Variants in METTL15 observed in about 807,000 individuals in gnomAD.
The protein encoded by METTL15 is 12S rRNA N(4)-cytidine methyltransferase METTL15.
A neutral mutation model predicts 38.3 loss-of-function variants in METTL15; 34 were observed. That is an observed-to-expected ratio of 0.89 (90% CI 0.68 to 1.18). The LOEUF is 1.18. Ranked by LOEUF, METTL15 falls within the 50% of genes most tolerant of loss-of-function variation. The pLI, the probability that METTL15 is intolerant of heterozygous loss-of-function variation, is 0.00. For missense variants in METTL15, 438 were observed against 498.4 expected (o/e 0.88, Z 1.15); for synonymous variants, 162 against 170.9 (o/e 0.95, Z 0.41).
intron 5 of METTL15, among the ~76,000 whole-genome samples, chr11:28,406,711 C>T (rs1395541232): frequency 6.6e-6 from 1 of 152,138 alleles, no homozygotes; most frequent in Admixed American, 6.6e-5. Flanking sequence ...GCCAGAATTT[C>T]TAATACTATG....
chr11:28,387,161 C>G (rs1014430850), intron 5 of METTL15, among the ~76,000 whole-genome samples: 1 of 151,512 alleles, frequency 6.6e-6, no homozygotes, highest in African/African-American at 2.4e-5. Flanking sequence ...AGAAAAAGAA[C>G]AAAATAAACC....
chr11:28,526,386 A>G (rs1851812497), intron 6 of METTL15: 2 of 152,274 alleles, frequency 1.3e-5, no homozygotes, highest in African/African-American at 4.8e-5. Context: ...GTCTTTCTAG[A>G]AATTTCTTCA....
chr11:28,158,013 G>A (rs1365427885), intron 3 of METTL15, among the ~76,000 whole-genome samples: 1 of 152,172 alleles, frequency 6.6e-6, no homozygotes, highest in South Asian at 2.1e-4. Flanking sequence ...CAGTGTACCT[G>A]GTTGTGCACT....
At chr11:28,231,830 A>C (rs1360388208) in intron 4 of METTL15, among the ~76,000 whole-genome samples, 1 of 151,864 alleles carries the variant, frequency 6.6e-6, no homozygotes, top group African/African-American at 2.4e-5. Flanking sequence ...TGCTACCTTT[A>C]TCCAAGCTTT....
rs1225321391 is a variant in METTL15, at chr11:28,331,468, T to A, written c.*627T>A. On this transcript the variant is annotated 3_prime_UTR_variant, in exon 7 of 7. Transcript: ENST00000407364. ...TTGTTCATCTATCGCAAAGTAAAAA[T>A]GTAAAATCCTTACAGAGAATTGTTT... 6.6e-6 allele frequency: 1 copy of A among 152,108 alleles called. No homozygotes were observed. The highest frequency in any genetic ancestry group is 2.1e-4 in the South Asian group (1 of 4,836). The allele number at this position is 152,108 out of a possible 1,614,324, so 9.4% of individuals were successfully genotyped here. A position where few individuals can be genotyped will look rare whatever the true frequency, so the allele number is the denominator to read the frequency against.
intron 5 of METTL15, among the ~76,000 whole-genome samples, chr11:28,296,152 G>A (rs557891365): frequency 2.3e-4 from 35 of 152,158 alleles, no homozygotes; most frequent in African/African-American, 7.9e-4. Context: ...GGTGTCCTTT[G>A]TTACAGAAGA....
At chr11:28,423,146 T>C (rs2133422732) in intron 5 of METTL15, among the ~76,000 whole-genome samples, 1 of 152,110 alleles carries the variant, frequency 6.6e-6, no homozygotes, top group South Asian at 2.1e-4. Context: ...GATAATGACA[T>C]CTCAATTCAT....
At chr11:28,515,623 TA>T (rs1302700512) in intron 6 of METTL15, among the ~76,000 whole-genome samples, 8 of 152,250 alleles carry the variant, frequency 5.3e-5, no homozygotes, top group African/African-American at 7.2e-5. Flanking sequence ...CTTTGCACTA[TA>T]AAGGCATTGT....
intron 6 of METTL15, among the ~76,000 whole-genome samples, chr11:28,441,429 A>C (rs10835336): frequency 0.41 from 61,580 of 151,988 alleles, 14,288 homozygotes; most frequent in Admixed American, 0.52. Flanking sequence ...ATTATGTTTG[A>C]AGCCACTCTG....
At chr11:28,365,779 G>A (rs1850179441) in intron 5 of METTL15, among the ~76,000 whole-genome samples, 1 of 152,132 alleles carries the variant, frequency 6.6e-6, no homozygotes, top group Admixed American at 6.5e-5. Context: ...CAGGCGCGGT[G>A]GCTCATGAGC....
At chr11:28,127,276 G>A (rs752425828) in intron 3 of METTL15, among the ~76,000 whole-genome samples, 4 of 151,982 alleles carry the variant, frequency 2.6e-5, no homozygotes, top group Non-Finnish European at 5.9e-5. Context: ...ATTTGAGGGA[G>A]ATTTAAGAGG....
intron 4 of METTL15, among the ~76,000 whole-genome samples, chr11:28,252,986 TCTC>T (rs564362645): frequency 4.8e-4 from 73 of 152,250 alleles, no homozygotes; most frequent in African/African-American, 1.7e-3. Context: ...TGCCTCTTGG[TCTC>T]CTCCTCCTCT....
chr11:28,452,349 G>T (rs1052562001), intron 6 of METTL15, among the ~76,000 whole-genome samples: 1 of 152,092 alleles, frequency 6.6e-6, no homozygotes, highest in African/African-American at 2.4e-5. Context: ...TGTTATAAAT[G>T]GTCTGCAGTT....
At chr11:28,354,702 T>C (rs1392655023) in intron 4 of METTL15, among the ~76,000 whole-genome samples, 1 of 152,192 alleles carries the variant, frequency 6.6e-6, no homozygotes, top group Non-Finnish European at 1.5e-5. Flanking sequence ...TCTACTCACA[T>C]AGTGACATAA....
intron 6 of METTL15, among the ~76,000 whole-genome samples, chr11:28,445,613 C>G (rs1034453699): frequency 6.6e-6 from 1 of 152,072 alleles, no homozygotes; most frequent in African/African-American, 2.4e-5. Flanking sequence ...CTTGGTTTTA[C>G]ATGATATTGG....
intron 6 of METTL15, among the ~76,000 whole-genome samples, chr11:28,493,815 A>G (rs1404795794): frequency 1.3e-5 from 2 of 152,198 alleles, no homozygotes; most frequent in African/African-American, 4.8e-5. Context: ...ATTTGATTCT[A>G]TAAGTTTGTC....
chr11:28,351,204 C>T (rs753688587), intron 3 of METTL15, among the ~76,000 whole-genome samples: 2 of 152,066 alleles, frequency 1.3e-5, no homozygotes, highest in African/African-American at 4.8e-5. Flanking sequence ...CTTCACTTCC[C>T]GGGTTCAAGC....
At chr11:28,269,973 T>C (rs1011074479) in intron 4 of METTL15, among the ~76,000 whole-genome samples, 1 of 152,214 alleles carries the variant, frequency 6.6e-6, no homozygotes, top group Non-Finnish European at 1.5e-5. Context: ...TATAAAAACA[T>C]TGCTAAACTT....
chr11:28,471,674 G>GAT (rs1164941053), intron 6 of METTL15, among the ~76,000 whole-genome samples: 1 of 151,920 alleles, frequency 6.6e-6, no homozygotes, highest in Admixed American at 6.6e-5. Flanking sequence ...CCAAGGTCTA[G>GAT]ATATAATGCA....
Sources: allele counts gnomAD v4.1 joint callset (sites outside exome capture counted in the v4.1 genomes callset), GRCh38; gene constraint gnomAD v4.1.1; transcripts MANE v1.5; gene names NCBI Gene and HGNC (gene_info 2026-07-23, HGNC 2026-07-21).